The following EYS variants were observed in gnomAD, a reference collection of about 807,000 sequenced individuals.
EYS encodes the protein EGF-like photoreceptor maintenance factor, also known as protein eyes shut homolog.
In EYS, 250 loss-of-function variants were observed where a neutral mutation model predicts 282.1. That is an observed-to-expected ratio of 0.89 (90% CI 0.80 to 0.98). EYS has a LOEUF of 0.98. Among genes scored for constraint, EYS ranks in the 50% least tolerant of loss-of-function variants. The pLI is 0.00. For missense variants in EYS, 4,016 were observed against 3,709.0 expected (o/e 1.08, Z -2.15); for synonymous variants, 1,355 against 1,282.9 (o/e 1.06, Z -1.20).
intron 36 of EYS, among the ~76,000 whole-genome samples, chr6:63,816,963 A>G (rs1771194132): frequency 2.0e-5 from 3 of 152,224 alleles, no homozygotes; most frequent in Admixed American, 2.0e-4. Flanking sequence ...GACTTCTTAA[A>G]GTCTTTTCTT....
intron 14 of EYS, among the ~76,000 whole-genome samples, chr6:64,978,935 G>A (rs1322624886): frequency 6.6e-6 from 1 of 151,828 alleles, no homozygotes; most frequent in South Asian, 2.1e-4. Flanking sequence ...AGCAAAGAAA[G>A]CGGTTTCTTG....
intron 12 of EYS, among the ~76,000 whole-genome samples, chr6:65,173,484 T>A (rs1260678535): frequency 6.6e-6 from 1 of 151,300 alleles, no homozygotes; most frequent in Admixed American, 6.6e-5. Flanking sequence ...TTCCCTGACA[T>A]CTAATGTTGG....
intron 12 of EYS, among the ~76,000 whole-genome samples, chr6:65,193,412 A>G (rs1292393030): frequency 6.6e-6 from 1 of 151,794 alleles, no homozygotes; most frequent in East Asian, 1.9e-4. Flanking sequence ...CCATATACCT[A>G]TATAAGGGAC....
chr6:64,682,850 G>C (rs531234761), intron 22 of EYS, among the ~76,000 whole-genome samples: 1 of 152,188 alleles, frequency 6.6e-6, no homozygotes, highest in South Asian at 2.1e-4. Context: ...CTGGGTCTCT[G>C]TTTCTGCCTT....
At position 64,981,616 on chromosome 6, in the gene EYS, A is replaced by G. The variant is rs139894694; in HGVS notation, c.2259+15966T>C. Among the ~76,000 whole-genome samples, 78 of 151,512 alleles carry G rather than the reference A, an allele frequency of 5.1e-4. No homozygotes were observed. The East Asian group carries it at 0.014, about 28-fold the overall frequency. ...AAGATGACATAATTTCCTCAAAATT[A>G]TAGATCCTGTACATGGTTGAGCCAT... is the stretch of plus-strand genomic sequence containing the variant. On this transcript the variant is annotated intron_variant, in intron 14 of 42. Transcript: ENST00000503581.
In EYS at chr6:64,767,600, A is replaced by T. The variant is rs76711166; in HGVS notation, c.3443+45778T>A. On this transcript the variant is annotated intron_variant, in intron 22 of 42. Coordinates refer to ENST00000503581, the MANE Select transcript of EYS (RefSeq NM_001142800.2). ...GTCCTCCAGTTCTTTCCATATTGAC[A>T]CAAATAACAAAATTTCATTCTTTTG... 4.6e-3 allele frequency among the ~76,000 whole-genome samples: 695 copies of T among 152,276 alleles called. 2 individuals are homozygous for T. The highest frequency in any genetic ancestry group is 0.016 in the African/African-American group (660 of 41,562).
At chr6:64,219,565 G>A (rs1258188907) in intron 31 of EYS, among the ~76,000 whole-genome samples, 3 of 152,070 alleles carry the variant, frequency 2.0e-5, no homozygotes, top group African/African-American at 7.2e-5. Context: ...GGGATAGCTG[G>A]GTCAAATGGT....
At chr6:65,321,146 CTTT>C (rs67687880) in intron 11 of EYS, among the ~76,000 whole-genome samples, 13 of 133,484 alleles carry the variant, frequency 9.7e-5, no homozygotes, top group Non-Finnish European at 8.0e-5. Flanking sequence ...GTATGAAAGC[CTTT>C]TTTTTTTTTT....
chr6:65,282,719 G>T (rs1582098095), intron 12 of EYS, among the ~76,000 whole-genome samples: 1 of 151,860 alleles, frequency 6.6e-6, no homozygotes, highest in African/African-American at 2.4e-5. Context: ...ACTAATAATG[G>T]CTTTCCATAA....
In EYS at chr6:65,082,458, C is replaced by T. The variant is rs1320665057; in HGVS notation, c.2024-24731G>A. ...TTATTCCATGACAATGAGGTAAGTA[C>T]TAAAAGGGAAAAATATGTTAAAACA... On this transcript the variant is annotated intron_variant, in intron 12 of 42. Coordinates refer to ENST00000503581, the MANE Select transcript of EYS (RefSeq NM_001142800.2). Among the ~76,000 whole-genome samples the T allele has an allele frequency of 2.0e-5, 3 of 151,932 alleles. No individual in the cohort carries two copies. In the East Asian group the frequency reaches 5.8e-4, roughly 29 times the overall value.
chr6:64,634,788 T>G (rs2149865062), intron 22 of EYS, among the ~76,000 whole-genome samples: 1 of 152,330 alleles, frequency 6.6e-6, no homozygotes, highest in Non-Finnish European at 1.5e-5. Flanking sequence ...AAGATAATTT[T>G]TCTCTTCTAT....
chr6:65,514,026 G>A (rs1308719739), intron 2 of EYS, among the ~76,000 whole-genome samples: 1 of 152,064 alleles, frequency 6.6e-6, no homozygotes, highest in African/African-American at 2.4e-5. Context: ...TGACATGATT[G>A]TATATCTAGA....
At chr6:65,539,732 T>C (rs1768094255) in intron 2 of EYS, among the ~76,000 whole-genome samples, 1 of 152,188 alleles carries the variant, frequency 6.6e-6, no homozygotes, top group Non-Finnish European at 1.5e-5. Flanking sequence ...GCAGTTTGCT[T>C]TAAAAAATTT....
At chr6:65,238,413 CT>C (rs1316737402) in intron 12 of EYS, among the ~76,000 whole-genome samples, 1 of 151,620 alleles carries the variant, frequency 6.6e-6, no homozygotes, top group Non-Finnish European at 1.5e-5. Context: ...GAAAAGTTAT[CT>C]CATTTTGATC....
intron 12 of EYS, among the ~76,000 whole-genome samples, chr6:65,246,762 A>T (rs999755932): frequency 1.3e-5 from 2 of 152,136 alleles, no homozygotes; most frequent in African/African-American, 2.4e-5. Context: ...ACGTTCTTCA[A>T]TCAAAAACTT....
chr6:63,838,298 GAACT>G (rs1244690091), intron 36 of EYS, among the ~76,000 whole-genome samples: 1 of 151,816 alleles, frequency 6.6e-6, no homozygotes, highest in Non-Finnish European at 1.5e-5. Context: ...TGTGTAATAG[GAACT>G]AACATAAATA....
rs367837609 is a variant in EYS, at chr6:65,532,494, C to T, written c.-332-36501G>A. 3.2e-3 allele frequency among the ~76,000 whole-genome samples: 485 copies of T among 152,238 alleles called. 5 individuals carry two copies. Among genetic ancestry groups the T allele is most frequent in the African/African-American group, 0.011 (476 of 41,552 alleles). ...TCAAGATTAGATCAAAACATTATTACAGCTACAGTCCCTGATGCATTATTA... is the reference window on the plus strand; with the variant it reads ...TCAAGATTAGATCAAAACATTATTATAGCTACAGTCCCTGATGCATTATTA... On this transcript the variant is annotated intron_variant, in intron 2 of 42. Transcript: ENST00000503581.
intron 26 of EYS, among the ~76,000 whole-genome samples, chr6:64,481,709 G>T (rs1389182562): frequency 6.6e-6 from 1 of 151,394 alleles, no homozygotes; most frequent in Non-Finnish European, 1.5e-5. Flanking sequence ...TGTGATCAAA[G>T]AATCTCGGTG....
intron 2 of EYS, among the ~76,000 whole-genome samples, chr6:65,525,077 C>G (rs918048690): frequency 6.8e-6 from 1 of 146,398 alleles, no homozygotes; most frequent in Non-Finnish European, 1.5e-5. Flanking sequence ...TTCAATTTTA[C>G]TTTAAGTTCT....
Sources: gnomAD v4.1 joint callset for allele counts (sites outside exome capture counted in the v4.1 genomes callset) on GRCh38, gnomAD v4.1.1 for gene constraint, MANE v1.5 for transcripts, NCBI Gene and HGNC (gene_info 2026-07-23, HGNC 2026-07-21) for gene names.